The following MYBL2 variants were observed in gnomAD, a reference collection of about 807,000 sequenced individuals.
MYBL2 encodes myb-related protein B.
A neutral mutation model predicts 79.9 loss-of-function variants in MYBL2; 28 were observed. The ratio of observed to expected loss-of-function variants is 0.35; its 90% CI spans 0.26 to 0.48. The LOEUF is 0.48. Ranked by LOEUF, MYBL2 falls within the 20% of genes least tolerant of loss-of-function variation. MYBL2 has a pLI of 0.99. For missense variants in MYBL2, 735 were observed against 893.9 expected, an observed-to-expected ratio of 0.82 and a Z score of 2.27; for synonymous variants, 378 against 361.2, an observed-to-expected ratio of 1.05 and a Z score of -0.53.
At chr20:43,675,911 G>GTTTT (rs3092199) in intron 2 of MYBL2, among the ~76,000 whole-genome samples, 2,665 of 144,676 alleles carry the variant, frequency 0.018, 41 homozygotes, top group Middle Eastern at 0.025. Context: ...CCAATAGGTA[G>GTTTT]TTTTTTTTTT....
intron 6 of MYBL2, among the ~76,000 whole-genome samples, chr20:43,695,696 A>ATG (rs1235690530): frequency 1.3e-5 from 2 of 151,980 alleles, no homozygotes. Flanking sequence ...CAAAAAAAAA[A>ATG]AAAAGCTGGT....
In MYBL2 at chr20:43,700,022, A is replaced by C; in HGVS notation, c.929A>C (p.Glu310Ala). Reference sequence around the variant, plus strand: ...CCTGCTGTGGGTTCTAGCCTCTCTGAAGCCCTGGACTTGATCGAGTCGGTA... The same window carrying C: ...CCTGCTGTGGGTTCTAGCCTCTCTGCAGCCCTGGACTTGATCGAGTCGGTA... Reference protein sequence around the residue: ...LIPAVGSSLSEALDLIESDPD... With the variant: ...LIPAVGSSLSAALDLIESDPD... Residue 310 changes from glutamate (E) to alanine (A), a missense_variant, in exon 7 of 14, where the codon GAA becomes GCA. Transcript: ENST00000217026. 1 of 1,613,944 alleles carries C rather than the reference A, an allele frequency of 6.2e-7. No individual in the cohort carries two copies. The highest frequency in any genetic ancestry group is 8.5e-7 in the Non-Finnish European group (1 of 1,179,978).
At chr20:43,693,487 C>T (rs905454331) in intron 6 of MYBL2, among the ~76,000 whole-genome samples, 1 of 152,102 alleles carries the variant, frequency 6.6e-6, no homozygotes, top group Non-Finnish European at 1.5e-5. Context: ...TACAGGTGCA[C>T]ACCACCATGC....
chr20:43,688,263 G>A (rs567894442), intron 5 of MYBL2, among the ~76,000 whole-genome samples: 121 of 150,702 alleles, frequency 8.0e-4, no homozygotes, highest in African/African-American at 2.7e-3. Context: ...GTGCAGTGGC[G>A]TGATCCGGGC....
chr20:43,694,876 A>G (rs950348655), intron 6 of MYBL2, among the ~76,000 whole-genome samples: 7 of 152,190 alleles, frequency 4.6e-5, no homozygotes, highest in African/African-American at 1.7e-4. Context: ...GACTTTCAGC[A>G]TAGGACAGAG....
rs1219404873 is a variant in MYBL2 at position 43,709,953 on chromosome 20, C to T, written c.1506-10C>T. ...CCTGTCACTAGTTCCCCCGTTCTGG[C>T]CCCTGGCAGGTTTGTAACCCCAGAT... On this transcript the variant is annotated splice_polypyrimidine_tract_variant and intron_variant, in intron 9 of 13. Transcript: ENST00000217026. 26 of 1,598,362 alleles carry T rather than the reference C, an allele frequency of 1.6e-5. No homozygotes were observed. The highest frequency in any genetic ancestry group is 2.2e-5 in the Non-Finnish European group (26 of 1,170,858).
chr20:43,715,104 G>T, intron 12 of MYBL2, 30 bp from the exon 13 acceptor site: 1 of 1,610,174 alleles, frequency 6.2e-7, no homozygotes, highest in Non-Finnish European at 8.5e-7. Flanking sequence ...CTCGCAAAAT[G>T]GTGACTCCTT....
intron 2 of MYBL2, among the ~76,000 whole-genome samples, chr20:43,675,916 T>TTTG (rs1342304526): frequency 6.6e-6 from 1 of 150,712 alleles, no homozygotes; most frequent in Non-Finnish European, 1.5e-5. Context: ...AGGTAGTTTT[T>TTTG]TTTTTTTTAA....
intron 7 of MYBL2, among the ~76,000 whole-genome samples, chr20:43,700,708 A>C (rs2145727702): frequency 6.6e-6 from 1 of 152,238 alleles, no homozygotes; most frequent in South Asian, 2.1e-4. Flanking sequence ...CCCATCCTAG[A>C]ACATCTAACT....
At chr20:43,678,179 G>A (rs1036105372) in intron 2 of MYBL2, among the ~76,000 whole-genome samples, 5 of 152,088 alleles carry the variant, frequency 3.3e-5, no homozygotes, top group African/African-American at 4.8e-5. Flanking sequence ...AGGCCGCAGG[G>A]TCCTCTGCCT....
At chr20:43,675,543 C>T (rs534506284) in intron 2 of MYBL2, among the ~76,000 whole-genome samples, 5 of 152,176 alleles carry the variant, frequency 3.3e-5, no homozygotes, top group Admixed American at 6.5e-5. Context: ...GAACTCCTGA[C>T]CTCAAGCAAT....
intron 2 of MYBL2, among the ~76,000 whole-genome samples, chr20:43,678,676 G>T (rs1438863205): frequency 6.6e-6 from 1 of 151,872 alleles, no homozygotes; most frequent in South Asian, 2.1e-4. Flanking sequence ...GGCCAACATG[G>T]CTGAATCCTG....
chr20:43,699,611 G>GGTAT, intron 6 of MYBL2, 146 bp from the exon 7 acceptor site: 2 of 856,700 alleles, frequency 2.3e-6, no homozygotes, highest in Non-Finnish European at 3.5e-6. Context: ...GGAAGTATAT[G>GGTAT]GTATGGCTAA....
intron 2 of MYBL2, among the ~76,000 whole-genome samples, chr20:43,674,821 C>T (rs1022002529): frequency 1.4e-4 from 22 of 152,030 alleles, no homozygotes; most frequent in Admixed American, 5.9e-4. Flanking sequence ...CATGAGTAAC[C>T]GCACCCTGCC....
chr20:43,669,329 GT>G (rs1316288761), intron 1 of MYBL2, among the ~76,000 whole-genome samples: 1 of 152,206 alleles, frequency 6.6e-6, no homozygotes, highest in African/African-American at 2.4e-5. Context: ...TTCAGGAAGA[GT>G]TATTCCAGGA....
intron 2 of MYBL2, among the ~76,000 whole-genome samples, chr20:43,674,776 C>A (rs1193150432): frequency 6.6e-6 from 1 of 152,096 alleles, no homozygotes; most frequent in East Asian, 1.9e-4. Context: ...AGGTGATCCA[C>A]CTGCCTCGGC....
chr20:43,668,686 T>C (rs1317026229), intron 1 of MYBL2, among the ~76,000 whole-genome samples: 1 of 3,890 alleles, frequency 2.6e-4, no homozygotes, highest in South Asian at 0.012. Context: ...CCTGCCCTGG[T>C]TTTTTTTTTT....
intron 2 of MYBL2, among the ~76,000 whole-genome samples, chr20:43,676,890 G>A (rs1438281681): frequency 1.4e-5 from 2 of 145,756 alleles, no homozygotes; most frequent in East Asian, 2.1e-4. Flanking sequence ...TTTTTTTTTT[G>A]TATTGTATTA....
chr20:43,697,857 G>T (rs1270100033), intron 6 of MYBL2, among the ~76,000 whole-genome samples: 1 of 151,154 alleles, frequency 6.6e-6, no homozygotes, highest in Non-Finnish European at 1.5e-5. Flanking sequence ...GGAGCTTGCA[G>T]TGAGCCGAGA....
Sources: gnomAD v4.1 joint callset for allele counts (sites outside exome capture counted in the v4.1 genomes callset) on GRCh38, gnomAD v4.1.1 for gene constraint, MANE v1.5 for transcripts, NCBI Gene and HGNC (gene_info 2026-07-23, HGNC 2026-07-21) for gene names.